PCCA: variants seen among roughly 807,000 people sequenced by gnomAD.
PCCA encodes propionyl-CoA carboxylase alpha chain, mitochondrial.
Under a neutral mutation model 101.3 loss-of-function variants are expected in PCCA, and 74 were observed. The observed-to-expected ratio is 0.73, with a 90% CI of 0.61 to 0.89. PCCA has a LOEUF of 0.89. Among genes scored for constraint, PCCA ranks in the 40% least tolerant of loss-of-function variants. The probability of loss-of-function intolerance (pLI) is 0.00; values close to 1 mark genes in which losing one functional copy is unlikely to be tolerated. For missense variants in PCCA, 891 were observed against 907.0 expected (o/e 0.98, Z 0.23); for synonymous variants, 294 against 313.6 (o/e 0.94, Z 0.66).
chr13:100,328,571 C>T (rs1434433540), intron 16 of PCCA, among the ~76,000 whole-genome samples: 1 of 151,060 alleles, frequency 6.6e-6, no homozygotes, highest in East Asian at 1.9e-4. Flanking sequence ...AATCCGTTGC[C>T]TACCTTAAGG....
At chr13:100,507,637 C>G (rs977546960) in intron 21 of PCCA, among the ~76,000 whole-genome samples, 9 of 152,114 alleles carry the variant, frequency 5.9e-5, no homozygotes, top group African/African-American at 2.2e-4. Flanking sequence ...AGTGCTGGGT[C>G]TAGTGTTTAA....
chr13:100,265,461 C>A (rs2062863154), intron 10 of PCCA, among the ~76,000 whole-genome samples: 1 of 152,092 alleles, frequency 6.6e-6, no homozygotes, highest in African/African-American at 2.4e-5. Flanking sequence ...TGTAAGTGAT[C>A]TAAATGTATT....
chr13:100,337,840 T>C (rs1282709334), intron 17 of PCCA, among the ~76,000 whole-genome samples: 1 of 152,208 alleles, frequency 6.6e-6, no homozygotes, highest in African/African-American at 2.4e-5. Flanking sequence ...TAAAGGACTT[T>C]GATTGTGAAC....
chr13:100,272,648 G>A (rs940359273), intron 11 of PCCA, among the ~76,000 whole-genome samples: 2 of 152,132 alleles, frequency 1.3e-5, no homozygotes, highest in African/African-American at 4.8e-5. Context: ...GCATTGAAAC[G>A]AGAAGGGAGA....
chr13:100,157,369 C>A lies in PCCA; in HGVS notation c.468+29C>A. 2.0e-6 allele frequency: 3 copies of A among 1,522,302 alleles called. No individual in the cohort carries two copies. The South Asian group carries it at 3.4e-5, about 17-fold the overall frequency. The allele number at this position is 1,522,302 out of a possible 1,614,324, so 94.3% of individuals were successfully genotyped here. On this transcript the variant is annotated intron_variant, in intron 6 of 23. Coordinates refer to ENST00000376285, the MANE Select transcript of PCCA (RefSeq NM_000282.4). Reference sequence around the variant, plus strand: ...AGTTGGTAATGAACCAGAAACTGTTCATTTCTTTTTCAGAAAGCAGTGTGG... The same window carrying A: ...AGTTGGTAATGAACCAGAAACTGTTAATTTCTTTTTCAGAAAGCAGTGTGG...
chr13:100,367,741 G>A (rs1300770385), intron 18 of PCCA, among the ~76,000 whole-genome samples: 1 of 149,646 alleles, frequency 6.7e-6, no homozygotes, highest in Non-Finnish European at 1.5e-5. Flanking sequence ...GGTGGATCAT[G>A]AGGTCAGGAG....
chr13:100,091,984 G>C (rs1288595197), intron 1 of PCCA, among the ~76,000 whole-genome samples: 1 of 151,724 alleles, frequency 6.6e-6, no homozygotes, highest in Admixed American at 6.6e-5. Flanking sequence ...GCAGTGGCGC[G>C]ATCTCAGCTC....
intron 17 of PCCA, among the ~76,000 whole-genome samples, chr13:100,334,290 A>T (rs2070091732): frequency 6.6e-6 from 1 of 152,182 alleles, no homozygotes; most frequent in Non-Finnish European, 1.5e-5. Context: ...GTAGTTTGTA[A>T]TCAGCCATGA....
At chr13:100,510,934 C>T (rs551701781) in intron 21 of PCCA, among the ~76,000 whole-genome samples, 2 of 152,328 alleles carry the variant, frequency 1.3e-5, no homozygotes, top group South Asian at 2.1e-4. Context: ...GCTGCACCTC[C>T]AAAGGAAGGA....
intron 2 of PCCA, among the ~76,000 whole-genome samples, chr13:100,109,301 C>G (rs1300717315): frequency 6.6e-6 from 1 of 152,154 alleles, no homozygotes; most frequent in Non-Finnish European, 1.5e-5. Flanking sequence ...TAGCAGGACA[C>G]ACAGGAGGAG....
chr13:100,194,915 A>AT (rs1476415665), intron 6 of PCCA, among the ~76,000 whole-genome samples: 1 of 151,990 alleles, frequency 6.6e-6, no homozygotes. Flanking sequence ...TCAAATCTTC[A>AT]TTTTTTTGCT....
intron 4 of PCCA, among the ~76,000 whole-genome samples, chr13:100,146,066 A>G (rs555477772): frequency 2.0e-5 from 3 of 149,994 alleles, no homozygotes; most frequent in East Asian, 4.2e-4. Flanking sequence ...CAGTCTCCCA[A>G]GCAGCTGGGA....
intron 21 of PCCA, among the ~76,000 whole-genome samples, chr13:100,469,107 A>C (rs1005978577): frequency 6.7e-6 from 1 of 150,194 alleles, no homozygotes; most frequent in Non-Finnish European, 1.5e-5. Flanking sequence ...GCTACTAGGG[A>C]GGCTGAGGCA....
In PCCA at chr13:100,241,249, T is replaced by C. The variant is rs149815686; in HGVS notation, c.637+5371T>C. On this transcript the variant is annotated intron_variant, in intron 8 of 23. Transcript: ENST00000376285. ...TGTACTCATTAGTATGTACTTCTTA[T>C]TTTCTTTCCATCTAGTCCCTGACAA... Among the ~76,000 whole-genome samples, 1,074 of 152,230 alleles carry C rather than the reference T, an allele frequency of 7.1e-3. 1 individual carries two copies. The highest frequency in any genetic ancestry group is 0.041 in the Middle Eastern group (12 of 294).
chr13:100,362,967 G>A (rs1258267272), intron 18 of PCCA, among the ~76,000 whole-genome samples: 1 of 152,214 alleles, frequency 6.6e-6, no homozygotes, highest in East Asian at 1.9e-4. Context: ...GAACTTTAAT[G>A]TTGGAGTGTT....
intron 6 of PCCA, among the ~76,000 whole-genome samples, chr13:100,178,967 C>T (rs2152426540): frequency 6.6e-6 from 1 of 151,326 alleles, no homozygotes; most frequent in Admixed American, 6.6e-5. Context: ...ATCCCAGCTA[C>T]TCGGGAGGCT....
chr13:100,330,791 T>C (rs2069438084), intron 17 of PCCA, 120 bp downstream of exon 17: 5 of 679,782 alleles, frequency 7.4e-6, no homozygotes, highest in Admixed American at 2.2e-5. Flanking sequence ...ACTTCATTTT[T>C]AGAACATGCA....
intron 9 of PCCA, among the ~76,000 whole-genome samples, chr13:100,258,755 G>A (rs2062245676): frequency 6.6e-6 from 1 of 151,978 alleles, no homozygotes. Context: ...CATATATTAG[G>A]CATCATTTTG....
At chr13:100,348,476 A>G (rs1440218882) in intron 18 of PCCA, among the ~76,000 whole-genome samples, 1 of 152,172 alleles carries the variant, frequency 6.6e-6, no homozygotes, top group Non-Finnish European at 1.5e-5. Context: ...AAACACTTAT[A>G]TTGACAGAAA....
Sources: allele counts gnomAD v4.1 joint callset (sites outside exome capture counted in the v4.1 genomes callset), GRCh38; gene constraint gnomAD v4.1.1; transcripts MANE v1.5; gene names NCBI Gene and HGNC (gene_info 2026-07-23, HGNC 2026-07-21).